Variants in POU2AF2 observed in about 807,000 individuals in gnomAD.
POU2AF2 encodes the protein POU domain class 2-associating factor 2.
the POU2AF2 span, among the ~76,000 whole-genome samples, chr11:111,269,951 A>G: frequency 1.3e-5 from 2 of 152,250 alleles, no homozygotes; most frequent in African/African-American, 2.4e-5. Context: ...TTGACATCAC[A>G]GTTTTCAAAA....
the POU2AF2 span, among the ~76,000 whole-genome samples, chr11:111,271,565 G>A: frequency 6.6e-6 from 1 of 152,058 alleles, no homozygotes; most frequent in Non-Finnish European, 1.5e-5. Flanking sequence ...GGGACTTCAG[G>A]CATGTGCCAC....
the POU2AF2 span, among the ~76,000 whole-genome samples, chr11:111,247,616 A>G: frequency 6.6e-6 from 1 of 151,916 alleles, no homozygotes; most frequent in South Asian, 2.1e-4. Flanking sequence ...TGAAACCCCC[A>G]TCTCTACTAA....
chr11:111,285,864 C>A, the POU2AF2 span: 1 of 1,610,166 alleles, frequency 6.2e-7, no homozygotes, highest in Non-Finnish European at 8.5e-7. Flanking sequence ...CACCACACTC[C>A]GGGGTACCCT....
the POU2AF2 span, among the ~76,000 whole-genome samples, chr11:111,280,056 AAATAT>A: frequency 0.019 from 1,484 of 77,380 alleles, 10 homozygotes; most frequent in Middle Eastern, 0.029. Flanking sequence ...AAAAAAAAAA[AAATAT>A]ATATATATAT....
chr11:111,256,224 T>A, the POU2AF2 span: 1 of 396,532 alleles, frequency 2.5e-6, no homozygotes, highest in Non-Finnish European at 4.4e-6. Context: ...GCACGCAGTA[T>A]AGAATTATTC....
At chr11:111,286,129 C>A in the POU2AF2 span, 2 of 1,523,624 alleles carry the variant, frequency 1.3e-6, no homozygotes, top group South Asian at 1.2e-5. Context: ...GTGTGTCAGC[C>A]CATTCAGGAC....
At chr11:111,283,842 C>T in the POU2AF2 span, among the ~76,000 whole-genome samples, 1 of 152,154 alleles carries the variant, frequency 6.6e-6, no homozygotes, top group African/African-American at 2.4e-5. Context: ...TGAACAGACA[C>T]GGTACTGTCT....
At chr11:111,249,388 A>G in the POU2AF2 span, among the ~76,000 whole-genome samples, 200 of 152,342 alleles carry the variant, frequency 1.3e-3, no homozygotes, top group African/African-American at 4.7e-3. Flanking sequence ...AATACTCAGC[A>G]TATTTTAAAG....
the POU2AF2 span, among the ~76,000 whole-genome samples, chr11:111,278,618 C>G: frequency 6.6e-6 from 1 of 152,090 alleles, no homozygotes; most frequent in Non-Finnish European, 1.5e-5. Context: ...GAGAAGCCAG[C>G]TTTCTGCAAA....
the POU2AF2 span, among the ~76,000 whole-genome samples, chr11:111,249,242 T>C: frequency 6.6e-6 from 1 of 152,110 alleles, no homozygotes; most frequent in African/African-American, 2.4e-5. Flanking sequence ...ATAGACACAA[T>C]GCACAGGGGA....
chr11:111,248,063 T>C, the POU2AF2 span, among the ~76,000 whole-genome samples: 1 of 151,838 alleles, frequency 6.6e-6, no homozygotes, highest in South Asian at 2.1e-4. Flanking sequence ...TTTTTGTATT[T>C]TTTTAGTGGA....
chr11:111,280,040 CAA>C, the POU2AF2 span, among the ~76,000 whole-genome samples: 2,237 of 72,360 alleles, frequency 0.031, 67 homozygotes, highest in African/African-American at 0.088. Context: ...GACTCCATCT[CAA>C]AAAAAAAAAA....
At chr11:111,279,578 T>C in the POU2AF2 span, among the ~76,000 whole-genome samples, 1 of 152,204 alleles carries the variant, frequency 6.6e-6, no homozygotes, top group Non-Finnish European at 1.5e-5. Context: ...CACATGACCT[T>C]GTCCCATCTG....
the POU2AF2 span, among the ~76,000 whole-genome samples, chr11:111,246,549 T>G: frequency 6.6e-6 from 1 of 152,190 alleles, no homozygotes; most frequent in Admixed American, 6.5e-5. Context: ...CCTTGTAAAG[T>G]ACCTTAAAAG....
At chr11:111,252,695 C>T in the POU2AF2 span, among the ~76,000 whole-genome samples, 4 of 151,852 alleles carry the variant, frequency 2.6e-5, no homozygotes, top group African/African-American at 4.8e-5. Flanking sequence ...TCATTCTGTC[C>T]CTCTCTTCTA....
the POU2AF2 span, among the ~76,000 whole-genome samples, chr11:111,257,666 G>A: frequency 3.9e-5 from 6 of 151,960 alleles, no homozygotes; most frequent in Non-Finnish European, 8.8e-5. Flanking sequence ...GACCCACCGC[G>A]CCCAGCCGTT....
chr11:111,280,057 A>ATATATATATATATATATATATATAT, the POU2AF2 span, among the ~76,000 whole-genome samples: 5 of 76,468 alleles, frequency 6.5e-5, no homozygotes, highest in Non-Finnish European at 1.3e-4. Flanking sequence ...AAAAAAAAAA[A>ATATATATATATATATATATATATAT]ATATATATAT....
At chr11:111,266,105 A>G in the POU2AF2 span, among the ~76,000 whole-genome samples, 1 of 152,210 alleles carries the variant, frequency 6.6e-6, no homozygotes, top group Admixed American at 6.5e-5. Flanking sequence ...TTTAAAAAAA[A>G]AACAGCTTCA....
the POU2AF2 span, among the ~76,000 whole-genome samples, chr11:111,285,277 C>G: frequency 1.9e-4 from 29 of 152,290 alleles, no homozygotes; most frequent in African/African-American, 6.3e-4. Flanking sequence ...CAAGCGCTGA[C>G]CTTCCCCACT....
Sources: gnomAD v4.1 joint callset for allele counts (sites outside exome capture counted in the v4.1 genomes callset) on GRCh38, gnomAD v4.1.1 for gene constraint, MANE v1.5 for transcripts, NCBI Gene and HGNC (gene_info 2026-07-23, HGNC 2026-07-21) for gene names.